TTLL4: variants seen among roughly 807,000 people sequenced by gnomAD.
The protein encoded by TTLL4 is tubulin tyrosine ligase like 4.
A neutral mutation model predicts 122.7 loss-of-function variants in TTLL4; 85 were observed. The observed-to-expected ratio is 0.69, with a 90% CI of 0.58 to 0.83. TTLL4 has a LOEUF of 0.83. Among genes scored for constraint, TTLL4 ranks in the 40% least tolerant of loss-of-function variants. TTLL4 has a pLI of 0.00. For missense variants in TTLL4, 1,363 were observed against 1,488.6 expected (o/e 0.92, Z 1.39); for synonymous variants, 553 against 563.0 (o/e 0.98, Z 0.25).
intron 16 of TTLL4, 119 bp from the exon 17 acceptor site, chr2:218,752,644 A>G: frequency 2.9e-6 from 3 of 1,040,312 alleles, no homozygotes; most frequent in Non-Finnish European, 4.3e-6. Flanking sequence ...CAGTAGTTCC[A>G]TGAGAGTCCC....
In TTLL4 at chr2:218,738,630, C is replaced by T. The variant is rs1942606737; in HGVS notation, c.954C>T (p.Ser318=). 6.2e-7 allele frequency: 1 copy of T among 1,614,244 alleles called. No homozygotes were observed. The highest frequency in any genetic ancestry group is 1.3e-5 in the African/African-American group (1 of 75,054). Residue 318 remains serine, a synonymous_variant, in exon 3 of 20, where the codon TCC becomes TCT. Transcript: ENST00000392102. ...TAGCCATGAGGGCAGAGCCACTTTC[C>T]TGTGCTCTGGATGACAGCTCTGATT... is the stretch of plus-strand genomic sequence containing the variant. The part of the protein sequence containing the change: ...NNLAMRAEPL[S]CALDDSSDSQ...
rs756701876 is a variant in TTLL4 at position 218,748,837 on chromosome 2, G to A, written c.2503G>A (p.Ala835Thr). 2.5e-6 allele frequency: 4 copies of A among 1,613,830 alleles called. No individual in the cohort carries two copies. Among genetic ancestry groups the A allele is most frequent in the East Asian group, 2.2e-5 (1 of 44,878 alleles). ...DEMACQGHKW[A>T]LKALWNYLSQ... ...ATACTTCCTCTTCCTCCTCTGCAGGGCACTGAAGGCTTTGTGGAACTACCT... is the reference window on the plus strand; with the variant it reads ...ATACTTCCTCTTCCTCCTCTGCAGGACACTGAAGGCTTTGTGGAACTACCT... Residue 835 changes from alanine to threonine, a missense_variant and splice_region_variant, in exon 13 of 20, where the codon GCA (alanine) becomes ACA (threonine). This residue lies in a region of TTLL4 where 596 missense variants were observed against 655.8 expected (regional missense o/e 0.91). Coordinates refer to ENST00000392102, the MANE Select transcript of TTLL4 (RefSeq NM_014640.5).
At chr2:218,754,037 TGTC>T in intron 19 of TTLL4, 94 bp from the exon 20 acceptor site, 2 of 1,539,562 alleles carry the variant, frequency 1.3e-6, no homozygotes. Context: ...AACACTGTAA[TGTC>T]GTGAATGCCT....
chr2:218,757,478 A>G (rs920043831), downstream of TTLL4, among the ~76,000 whole-genome samples: 42 of 152,248 alleles, frequency 2.8e-4, no homozygotes, highest in Admixed American at 2.7e-3. Context: ...TTATTTCAAG[A>G]GAAGCTTTGA....
In TTLL4 at chr2:218,754,387, T is replaced by C. The variant is rs1275110261; in HGVS notation, c.3598T>C (p.Ter1200GlnextTer28). The stretch of plus-strand genomic sequence containing the variant: ...TGACTCCCTCCTGGCTGTGAGCCCA[T>C]AACTGGCCTCTCTCCAAAAGCCTCT... ...ISDSLLAVSP[*>Q] The change falls in exon 20 of 20, where the codon TAA (stop) becomes CAA (glutamine). Residue 1200 changes from the stop codon to glutamine, a stop_lost. Coordinates refer to ENST00000392102, the MANE Select transcript of TTLL4 (RefSeq NM_014640.5). 1 of 1,614,068 alleles carries C rather than the reference T, an allele frequency of 6.2e-7. No individual in the cohort carries two copies. The highest frequency in any genetic ancestry group is 8.5e-7 in the Non-Finnish European group (1 of 1,180,024).
In TTLL4 at chr2:218,745,395, A is replaced by C. The variant is rs114623639; in HGVS notation, c.1786+162A>C. The C allele has an allele frequency of 6.4e-3, 5,771 of 897,636 alleles. 244 individuals carry two copies. The African/African-American group carries it at 0.087, about 13-fold the overall frequency. The allele number at this position is 897,636 out of a possible 1,614,324, so 55.6% of individuals were successfully genotyped here. On this transcript the variant is annotated intron_variant, in intron 6 of 19. Transcript: ENST00000392102. ...CCCATGTGGTCGTAGGTCTGATGCA[A>C]CCTTTTTCTTGTCTGTCCTTTAGCT...
rs1230451905 is a variant in TTLL4 at position 218,740,704 on chromosome 2, T to A, written c.1661+120T>A. The A allele has an allele frequency of 2.5e-6, 3 of 1,213,696 alleles. No homozygotes were observed. In the African/African-American group the frequency reaches 4.5e-5, roughly 18 times the overall value. The allele number at this position is 1,213,696 out of a possible 1,614,324, so 75.2% of individuals were successfully genotyped here. A position where few individuals can be genotyped will look rare whatever the true frequency, so the allele number is the denominator to read the frequency against. On this transcript the variant is annotated intron_variant, in intron 5 of 19. Coordinates refer to ENST00000392102, the MANE Select transcript of TTLL4 (RefSeq NM_014640.5). ...GAACTCTAATGCATTTTTACCAAATTTTTATGTTTGCGACTTTAGTTTTTG... is the reference window on the plus strand; with the variant it reads ...GAACTCTAATGCATTTTTACCAAATATTTATGTTTGCGACTTTAGTTTTTG...
chr2:218,739,635 A>G (rs2106436856), intron 3 of TTLL4, among the ~76,000 whole-genome samples: 1 of 152,346 alleles, frequency 6.6e-6, no homozygotes, highest in South Asian at 2.1e-4. Flanking sequence ...CATGACAGCC[A>G]TTTATAGTTA....
intron 1 of TTLL4, among the ~76,000 whole-genome samples, chr2:218,713,609 T>C (rs1941776604): frequency 6.6e-6 from 1 of 152,220 alleles, no homozygotes; most frequent in Admixed American, 6.5e-5. Context: ...AAGGAACACA[T>C]AGTTTTAAAA....
chr2:218,711,956 T>G (rs917467586), intron 1 of TTLL4, among the ~76,000 whole-genome samples: 1 of 151,776 alleles, frequency 6.6e-6, no homozygotes, highest in Non-Finnish European at 1.5e-5. Flanking sequence ...TCCTTCTGTT[T>G]CTTGCACTGA....
intron 1 of TTLL4, among the ~76,000 whole-genome samples, chr2:218,726,786 T>C (rs554240557): frequency 8.6e-5 from 13 of 150,396 alleles, no homozygotes; most frequent in Non-Finnish European, 1.6e-4. Flanking sequence ...AAATTTCTTA[T>C]AGACCAGTAA....
downstream of TTLL4, among the ~76,000 whole-genome samples, chr2:218,756,069 C>G (rs1038136999): frequency 6.6e-6 from 1 of 152,160 alleles, no homozygotes; most frequent in Non-Finnish European, 1.5e-5. Context: ...CGCCTCTTCT[C>G]CCCGCTGGCT....
At position 218,737,682 on chromosome 2, in the gene TTLL4, C is replaced by A; in HGVS notation, c.6C>A (p.Ala2=). 1 of 1,590,924 alleles carries A rather than the reference C, an allele frequency of 6.3e-7. No homozygotes were observed. Among genetic ancestry groups the A allele is most frequent in the Non-Finnish European group, 8.6e-7 (1 of 1,167,124 alleles). The part of the protein sequence containing the change: M[A]SAGTQHYSIG... ...GGCCATGATGTGGGCCCCTCATGGC[C>A]TCAGCAGGAACACAGCACTATAGTA... Residue 2 remains alanine, a synonymous_variant, in exon 3 of 20, where the codon GCC becomes GCA. Coordinates refer to ENST00000392102, the MANE Select transcript of TTLL4 (RefSeq NM_014640.5).
intron 5 of TTLL4, among the ~76,000 whole-genome samples, chr2:218,744,006 A>G (rs988620607): frequency 6.6e-6 from 1 of 152,212 alleles, no homozygotes; most frequent in African/African-American, 2.4e-5. Flanking sequence ...ATTTTAACTC[A>G]TTCTTATTGA....
downstream of TTLL4, chr2:218,755,524 A>G (rs1370357801): frequency 3.9e-5 from 6 of 152,224 alleles, no homozygotes; most frequent in African/African-American, 1.2e-4. Flanking sequence ...ACCTGGGAAC[A>G]GCACAAGCGG....
At chr2:218,729,140 GC>G (rs895352134) in intron 2 of TTLL4, among the ~76,000 whole-genome samples, 3 of 151,964 alleles carry the variant, frequency 2.0e-5, no homozygotes, top group Non-Finnish European at 4.4e-5. Flanking sequence ...CGCCATGTTG[GC>G]CAGGCTGGTC....
At position 218,749,255 on chromosome 2, in the gene TTLL4, CAGAGCCCTATGTGACCAGCCTGCTCA is replaced by C; in HGVS notation, c.2607_2632del (p.Glu869AspfsTer8). On this transcript the variant is annotated frameshift_variant, in exon 14 of 20. Coordinates refer to ENST00000392102, the MANE Select transcript of TTLL4 (RefSeq NM_014640.5). LOFTEE classifies it high-confidence loss of function. The stretch of plus-strand genomic sequence containing the variant: ...TACTTCCTCATCCCCATGACCAGGT[CAGAGCCCTATGTGACCAGCCTGCTCA>C]AGATGTATGTGCGACGGCCCTATAG... The C allele has an allele frequency of 6.2e-7, 1 of 1,614,122 alleles. No individual in the cohort carries two copies. The highest frequency in any genetic ancestry group is 8.5e-7 in the Non-Finnish European group (1 of 1,180,008).
chr2:218,740,610 T>C lies in TTLL4; in HGVS notation c.1661+26T>C, dbSNP rs377299468. On this transcript the variant is annotated intron_variant, in intron 5 of 19. Transcript: ENST00000392102. Reference sequence around the variant, plus strand: ...GTAAGTGTGGCTGTATAGATCATTGTTACATGCTCATCTTTTGTCTCTTAA... The same window carrying C: ...GTAAGTGTGGCTGTATAGATCATTGCTACATGCTCATCTTTTGTCTCTTAA... 116 of 1,611,810 alleles carry C rather than the reference T, an allele frequency of 7.2e-5. 1 individual carries two copies. Among genetic ancestry groups the C allele is most frequent in the Non-Finnish European group, 9.3e-5 (110 of 1,177,998 alleles).
At chr2:218,729,176 C>T (rs546338191) in intron 2 of TTLL4, among the ~76,000 whole-genome samples, 16 of 152,134 alleles carry the variant, frequency 1.1e-4, no homozygotes, top group Middle Eastern at 3.4e-3. Context: ...TCAGGTGATC[C>T]GTCTGCCTCG....
Sources: gnomAD v4.1 joint callset for allele counts (sites outside exome capture counted in the v4.1 genomes callset) on GRCh38, gnomAD v4.1.1 for gene constraint, gnomAD v4.1.1 regional missense constraint, MANE v1.5 for transcripts, NCBI Gene and HGNC (gene_info 2026-07-23, HGNC 2026-07-21) for gene names.